Variants in TIPIN observed in about 807,000 individuals in gnomAD.
The protein encoded by TIPIN is TIMELESS-interacting protein.
TIPIN carries 29 observed loss-of-function variants against 35.6 expected under a neutral mutation model. That is an observed-to-expected ratio of 0.82 (90% confidence interval 0.61 to 1.11). TIPIN has a LOEUF of 1.11. Ranked by LOEUF, TIPIN falls within the 50% of genes most tolerant of loss-of-function variation. TIPIN has a pLI of 0.00. For synonymous variants in TIPIN, 102 were observed against 121.5 expected (o/e 0.84, Z 1.06); for missense variants, 296 against 345.4 (o/e 0.86, Z 1.13).
intron 6 of TIPIN, chr15:66,348,410 G>A (rs1335044130): frequency 2.0e-5 from 3 of 148,134 alleles, no homozygotes; most frequent in Admixed American, 6.9e-5. Flanking sequence ...AGTGGCTCAC[G>A]CCTATAATCC....
At chr15:66,379,709 G>A (rs970357398) in intron 1 of TIPIN, 16 of 1,609,984 alleles carry the variant, frequency 9.9e-6, no homozygotes, top group Admixed American at 3.3e-5. Flanking sequence ...TAGTCCGAAC[G>A]GTAGCCAGTT....
At chr15:66,382,181 A>C (rs1056540705) in intron 1 of TIPIN, 2 of 189,670 alleles carry the variant, frequency 1.1e-5, no homozygotes, top group Non-Finnish European at 2.0e-5. Context: ...TTTAATGCTC[A>C]TAACTATTTA....
At chr15:66,379,892 C>G in intron 1 of TIPIN, 1 of 1,566,738 alleles carries the variant, frequency 6.4e-7, no homozygotes, top group Non-Finnish European at 8.7e-7. Context: ...TGTCGACAGT[C>G]TGATTAATGA....
At chr15:66,356,558 T>C in intron 1 of TIPIN, 81 bp downstream of exon 1, 1 of 962,474 alleles carries the variant, frequency 1.0e-6, no homozygotes, top group Non-Finnish European at 1.2e-6. Flanking sequence ...TCTGGCTCCC[T>C]GGCTCTTCCA....
At chr15:66,354,126 A>G (rs2093187910) in intron 1 of TIPIN, among the ~76,000 whole-genome samples, 1 of 152,090 alleles carries the variant, frequency 6.6e-6, no homozygotes, top group Non-Finnish European at 1.5e-5. Flanking sequence ...GGGCTTCTTC[A>G]TTCATTTATG....
At chr15:66,350,276 A>G (rs2093158267) in intron 4 of TIPIN, among the ~76,000 whole-genome samples, 1 of 151,958 alleles carries the variant, frequency 6.6e-6, no homozygotes, top group African/African-American at 2.4e-5. Flanking sequence ...ATACAGATTC[A>G]TAAAAATTAG....
chr15:66,355,707 C>G (rs888621271), intron 1 of TIPIN, among the ~76,000 whole-genome samples: 1 of 152,032 alleles, frequency 6.6e-6, no homozygotes, highest in Non-Finnish European at 1.5e-5. Flanking sequence ...GCCGAGACCG[C>G]GCCACTGCAC....
intron 1 of TIPIN, among the ~76,000 whole-genome samples, chr15:66,378,655 TAAAAA>T (rs933948645): frequency 1.4e-5 from 2 of 147,394 alleles, no homozygotes; most frequent in African/African-American, 2.5e-5. Flanking sequence ...CATTCCAAAA[TAAAAA>T]AAAAAATTTC....
At chr15:66,348,931 C>T in intron 6 of TIPIN, 129 bp downstream of exon 6, 1 of 699,668 alleles carries the variant, frequency 1.4e-6, no homozygotes, top group Non-Finnish European at 2.4e-6. Flanking sequence ...GGTGACAGAG[C>T]AAGATTCTGT....
chr15:66,348,999 C>T (rs1027258768), intron 6 of TIPIN, 61 bp downstream of exon 6: 2 of 1,365,254 alleles, frequency 1.5e-6, no homozygotes, highest in East Asian at 4.7e-5. Context: ...GCCACCACAC[C>T]CTGCCTAGAT....
At chr15:66,366,597 CAAAAAA>C (rs757848258) in intron 1 of TIPIN, among the ~76,000 whole-genome samples, 52 of 92,230 alleles carry the variant, frequency 5.6e-4, no homozygotes, top group East Asian at 4.9e-3. Flanking sequence ...ACTAAATATA[CAAAAAA>C]AAAAAAAAAA....
intron 1 of TIPIN, among the ~76,000 whole-genome samples, chr15:66,373,309 C>T (rs929651133): frequency 9.9e-5 from 15 of 151,898 alleles, no homozygotes; most frequent in African/African-American, 2.7e-4. Flanking sequence ...CTGGCTAACA[C>T]GGTGAAACAC....
chr15:66,359,226 G>A (rs561794917), upstream of TIPIN, among the ~76,000 whole-genome samples: 1 of 151,714 alleles, frequency 6.6e-6, no homozygotes, highest in East Asian at 1.9e-4. Flanking sequence ...TACCAATTCT[G>A]TCTAAAATTA....
Position 66,349,135 on chromosome 15 carries a change from AAG to A in TIPIN, c.412-14_412-13del. 6.2e-7 allele frequency: 1 copy of A among 1,609,670 alleles called. No individual in the cohort carries two copies. Among genetic ancestry groups the A allele is most frequent in the Non-Finnish European group, 8.5e-7 (1 of 1,177,880 alleles). On this transcript the variant is annotated splice_polypyrimidine_tract_variant and intron_variant, in intron 5 of 7. Coordinates refer to ENST00000261881, the MANE Select transcript of TIPIN (RefSeq NM_017858.3). ...CGTTTTAAACAGGTCTGAAAATGAAAAGAGATTATTTATTTTTACCTCTTTAC... is the reference window on the plus strand; with the variant it reads ...CGTTTTAAACAGGTCTGAAAATGAAAAGATTATTTATTTTTACCTCTTTAC...
At chr15:66,346,025 C>T (rs2093122559) in intron 6 of TIPIN, among the ~76,000 whole-genome samples, 1 of 151,864 alleles carries the variant, frequency 6.6e-6, no homozygotes, top group South Asian at 2.1e-4. Flanking sequence ...CGGATCACTG[C>T]AACCTCCGCC....
At chr15:66,351,988 A>C in intron 3 of TIPIN, 141 bp downstream of exon 3, 1 of 669,914 alleles carries the variant, frequency 1.5e-6, no homozygotes, top group Admixed American at 3.5e-5. Flanking sequence ...ATAAGAAAAA[A>C]TATGTTCTGC....
chr15:66,343,023 T>C (rs1016172482), intron 6 of TIPIN, among the ~76,000 whole-genome samples: 7 of 152,260 alleles, frequency 4.6e-5, no homozygotes, highest in African/African-American at 1.4e-4. Flanking sequence ...AGCCACTCTA[T>C]AGGCAAGATC....
chr15:66,352,934 T>A lies in TIPIN; in HGVS notation c.14A>T (p.Gln5Leu). The change falls in exon 2 of 8, where the codon CAG (glutamine) becomes CTG (leucine). Residue 5 changes from glutamine (Q) to leucine (L), a missense_variant. By Grantham distance (113) the Gln-to-Leu change is moderately radical (BLOSUM62 -2). Coordinates refer to ENST00000261881, the MANE Select transcript of TIPIN (RefSeq NM_017858.3). ...TGGTAGGTCAATCACGCCATTCTCC[T>A]GTGGTTCTAGCATCTTTTCCTCTAG... MLEP[Q>L]ENGVIDLPDY... 6.2e-7 allele frequency: 1 copy of A among 1,613,540 alleles called. No homozygotes were observed. The highest frequency in any genetic ancestry group is 8.5e-7 in the Non-Finnish European group (1 of 1,179,864).
intron 6 of TIPIN, among the ~76,000 whole-genome samples, chr15:66,347,498 G>C (rs1023492403): frequency 2.6e-5 from 4 of 152,162 alleles, no homozygotes; most frequent in Non-Finnish European, 5.9e-5. Flanking sequence ...TTATTAACAA[G>C]TGCTATATAG....
Sources: gnomAD v4.1 joint callset for allele counts (sites outside exome capture counted in the v4.1 genomes callset) on GRCh38, gnomAD v4.1.1 for gene constraint, MANE v1.5 for transcripts, NCBI Gene and HGNC (gene_info 2026-07-23, HGNC 2026-07-21) for gene names.